Variants in TBC1D2B observed in about 807,000 individuals in gnomAD.
The protein encoded by TBC1D2B is TBC1 domain family, member 2B.
A neutral mutation model predicts 100.8 loss-of-function variants in TBC1D2B; 64 were observed. The ratio of observed to expected loss-of-function variants is 0.64; its 90% CI spans 0.52 to 0.78. The LOEUF (loss-of-function observed/expected upper bound fraction) is 0.78. Among genes scored for constraint, TBC1D2B ranks in the 30% least tolerant of loss-of-function variants. The pLI is 0.00. For missense variants in TBC1D2B, 1,052 were observed against 1,218.4 expected, an observed-to-expected ratio of 0.86 and a Z score of 2.03; for synonymous variants, 480 against 479.7, an observed-to-expected ratio of 1.00 and a Z score of -0.01.
chr15:78,075,573 C>T (rs2073815880), intron 1 of TBC1D2B, among the ~76,000 whole-genome samples: 1 of 152,168 alleles, frequency 6.6e-6, no homozygotes, highest in Non-Finnish European at 1.5e-5. Context: ...ACAAACATCC[C>T]ACAGGAAATT....
intron 1 of TBC1D2B, 103 bp downstream of exon 1, chr15:78,077,190 G>C (rs140417458): frequency 2.2e-6 from 3 of 1,361,240 alleles, no homozygotes; most frequent in East Asian, 3.0e-5. Flanking sequence ...GTGGGCAGGG[G>C]CGAGGAGGCC....
intron 2 of TBC1D2B, among the ~76,000 whole-genome samples, chr15:78,045,935 T>C (rs2073185243): frequency 6.7e-6 from 1 of 149,116 alleles, no homozygotes; most frequent in African/African-American, 2.4e-5. Flanking sequence ...ACATTTTTCT[T>C]TTTTTTTCCC....
Position 78,024,868 on chromosome 15 carries a change from G to A in TBC1D2B, c.1087-329C>T, listed in dbSNP as rs544433010. Among the ~76,000 whole-genome samples the A allele has an allele frequency of 2.6e-5, 4 of 152,322 alleles. No individual in the cohort carries two copies. In the South Asian group the frequency reaches 8.3e-4, roughly 32 times the overall value. ...TCACTGAACTGCTGAACAATTAAAT[G>A]TAATTAGATCTGATTAGTTCAAGAA... On this transcript the variant is annotated intron_variant, in intron 5 of 12. Coordinates refer to ENST00000300584, the MANE Select transcript of TBC1D2B (RefSeq NM_144572.2).
At chr15:78,012,552 C>T (rs1350985582) in intron 9 of TBC1D2B, among the ~76,000 whole-genome samples, 1 of 152,116 alleles carries the variant, frequency 6.6e-6, no homozygotes, top group Non-Finnish European at 1.5e-5. Context: ...AACCCGAGTG[C>T]GATGAGAACA....
At chr15:78,072,682 CTGACGGTCTGA>C (rs1215377421) in intron 1 of TBC1D2B, among the ~76,000 whole-genome samples, 1 of 152,218 alleles carries the variant, frequency 6.6e-6, no homozygotes, top group African/African-American at 2.4e-5. Context: ...AATTCATTTG[CTGACGGTCTGA>C]TGACGCTCTC....
intron 2 of TBC1D2B, among the ~76,000 whole-genome samples, chr15:78,050,666 G>A: frequency 6.6e-6 from 1 of 152,214 alleles, no homozygotes; most frequent in East Asian, 1.9e-4. Context: ...AGAAGACAAT[G>A]TAGAATGGTA....
At chr15:78,004,902 C>T (rs1031482757) in intron 10 of TBC1D2B, among the ~76,000 whole-genome samples, 3 of 152,204 alleles carry the variant, frequency 2.0e-5, no homozygotes, top group Admixed American at 6.5e-5. Context: ...TTCAAACCCA[C>T]GTTGTTCAAG....
At position 78,077,656 on chromosome 15, in the gene TBC1D2B, T is replaced by C. The variant is rs1213780630; in HGVS notation, c.-4A>G. 4 of 980,914 alleles carry C rather than the reference T, an allele frequency of 4.1e-6. No individual in the cohort carries two copies. The East Asian group carries it at 4.7e-4, about 116-fold the overall frequency. 60.8% of individuals were successfully genotyped at this position (980,914 alleles called of 1,614,324 possible). ...CCCGGGCTCCGGCCCCCGGCATCGC[T>C]ACCGCGCGCCAACCGTAGGCGCCCG... On this transcript the variant is annotated 5_prime_UTR_variant, in exon 1 of 13. Transcript: ENST00000300584.
At chr15:78,037,402 C>T (rs571189343) in intron 3 of TBC1D2B, among the ~76,000 whole-genome samples, 1 of 152,348 alleles carries the variant, frequency 6.6e-6, no homozygotes, top group East Asian at 1.9e-4. Flanking sequence ...CGGCCTCTCC[C>T]ACAACCCACA....
At position 77,997,998 on chromosome 15, in the gene TBC1D2B, G is replaced by C; in HGVS notation, c.*162C>G. The C allele has an allele frequency of 1.7e-6, 1 of 588,512 alleles. No homozygotes were observed. Among genetic ancestry groups the C allele is most frequent in the Non-Finnish European group, 2.8e-6 (1 of 358,056 alleles). The allele number at this position is 588,512 out of a possible 1,614,324, so 36.5% of individuals were successfully genotyped here. Reference sequence around the variant, plus strand: ...TAAACAGATTAGACCTCCCACCCCTGCCCCCCGCACAGTGGGAAATGAGGA... The same window carrying C: ...TAAACAGATTAGACCTCCCACCCCTCCCCCCCGCACAGTGGGAAATGAGGA... On this transcript the variant is annotated 3_prime_UTR_variant, in exon 13 of 13. Coordinates refer to ENST00000300584, the MANE Select transcript of TBC1D2B (RefSeq NM_144572.2).
chr15:78,027,243 CTG>C (rs1414713899), intron 4 of TBC1D2B, among the ~76,000 whole-genome samples: 1 of 152,140 alleles, frequency 6.6e-6, no homozygotes, highest in Admixed American at 6.5e-5. Context: ...GGGGTAGTGA[CTG>C]GAAAGGGCAC....
intron 1 of TBC1D2B, among the ~76,000 whole-genome samples, chr15:78,061,220 G>C (rs1338023110): frequency 6.6e-6 from 1 of 150,692 alleles, no homozygotes; most frequent in African/African-American, 2.5e-5. Context: ...CTCCAACCTA[G>C]GCAACAAGAG....
At chr15:77,999,301 G>T (rs1174435193) in intron 12 of TBC1D2B, 1 of 455,162 alleles carries the variant, frequency 2.2e-6, no homozygotes, top group Non-Finnish European at 4.4e-6. Flanking sequence ...CAGGCCATTT[G>T]CTCCTGCTGC....
chr15:78,013,056 G>A lies in TBC1D2B; in HGVS notation c.2037C>T (p.His679=), dbSNP rs766350273. Reference sequence around the variant, plus strand: ...CAGTGTTGTCCTTGAACTTCCTGGTGTGACGGTCCACACACCACTTCCACA... The same window carrying A: ...CAGTGTTGTCCTTGAACTTCCTGGTATGACGGTCCACACACCACTTCCACA... ...SKVWKWCVDR[H]TRKFKDNTEP... Residue 679 remains histidine, a synonymous_variant, in exon 9 of 13, where the codon CAC becomes CAT. Transcript: ENST00000300584. 4.2e-5 allele frequency: 67 copies of A among 1,613,898 alleles called. No homozygotes were observed. The highest frequency in any genetic ancestry group is 5.3e-5 in the Non-Finnish European group (63 of 1,179,910).
chr15:78,003,512 G>C (rs763805701), intron 10 of TBC1D2B, 22 bp from the exon 11 acceptor site: 1 of 1,593,372 alleles, frequency 6.3e-7, no homozygotes, highest in Non-Finnish European at 8.6e-7. Flanking sequence ...ACAAAGGGGA[G>C]AAGTGTATCA....
Position 78,054,019 on chromosome 15 carries a change from T to G in TBC1D2B, c.514+15A>C. 6.2e-7 allele frequency: 1 copy of G among 1,606,580 alleles called. No individual in the cohort carries two copies. The highest frequency in any genetic ancestry group is 8.5e-7 in the Non-Finnish European group (1 of 1,177,310). ...CACAAAGAACTGACCCAGCTCCCCT[T>G]TATTTCTGCCTTACCAGTGTTATCT... On this transcript the variant is annotated intron_variant, in intron 2 of 12. Coordinates refer to ENST00000300584, the MANE Select transcript of TBC1D2B (RefSeq NM_144572.2).
intron 2 of TBC1D2B, among the ~76,000 whole-genome samples, chr15:78,048,445 T>C (rs1048586704): frequency 3.3e-5 from 5 of 152,202 alleles, no homozygotes; most frequent in African/African-American, 1.2e-4. Context: ...CAACATTTCC[T>C]CGAAGATTTT....
At position 78,016,607 on chromosome 15, in the gene TBC1D2B, C is replaced by T; in HGVS notation, c.1714G>A (p.Ala572Thr). 1 of 1,612,850 alleles carries T rather than the reference C, an allele frequency of 6.2e-7. No homozygotes were observed. The highest frequency in any genetic ancestry group is 8.5e-7 in the Non-Finnish European group (1 of 1,179,418). The stretch of plus-strand genomic sequence containing the variant: ...TGCTCTTGGCTCTCAACCTGCAGAG[C>T]ATCCTCCAGCAACTGGGCTATGACC... ...REVIAQLLEDALQVESQEQPE... is the reference protein window; with the variant it reads ...REVIAQLLEDTLQVESQEQPE... Residue 572 changes from alanine to threonine, a missense_variant, in exon 8 of 13, where the codon GCT (alanine) becomes ACT (threonine). Transcript: ENST00000300584.
intron 3 of TBC1D2B, among the ~76,000 whole-genome samples, chr15:78,041,218 A>G (rs2073088439): frequency 6.6e-6 from 1 of 152,230 alleles, no homozygotes; most frequent in African/African-American, 2.4e-5. Context: ...TTTTTCCTAG[A>G]AACAACAATT....
Sources: gnomAD v4.1 joint callset for allele counts (sites outside exome capture counted in the v4.1 genomes callset) on GRCh38, gnomAD v4.1.1 for gene constraint, MANE v1.5 for transcripts, NCBI Gene and HGNC (gene_info 2026-07-23, HGNC 2026-07-21) for gene names.